The following ARHGAP12 variants were observed in gnomAD, a reference collection of about 807,000 sequenced individuals.
ARHGAP12 encodes the protein rho GTPase-activating protein 12.
ARHGAP12 carries 64 observed loss-of-function variants against 108.6 expected under a neutral mutation model. The observed-to-expected ratio is 0.59, with a 90% confidence interval of 0.48 to 0.73. ARHGAP12 has a LOEUF of 0.73. Among genes scored for constraint, ARHGAP12 ranks in the 30% least tolerant of loss-of-function variants. The probability of loss-of-function intolerance (pLI) is 0.00; values close to 1 mark genes in which losing one functional copy is unlikely to be tolerated. For missense variants in ARHGAP12, 940 were observed against 1,005.9 expected, an observed-to-expected ratio of 0.93 and a Z score of 0.89; for synonymous variants, 312 against 337.2, an observed-to-expected ratio of 0.93 and a Z score of 0.82.
At chr10:31,902,429 A>G (rs1838966735) in intron 3 of ARHGAP12, among the ~76,000 whole-genome samples, 2 of 152,074 alleles carry the variant, frequency 1.3e-5, no homozygotes, top group Non-Finnish European at 2.9e-5. Context: ...TAATCCCAAT[A>G]CACTGGGAGG....
intron 3 of ARHGAP12, among the ~76,000 whole-genome samples, chr10:31,900,572 C>CTA (rs1417406047): frequency 2.6e-5 from 4 of 152,286 alleles, no homozygotes; most frequent in African/African-American, 7.2e-5. Flanking sequence ...TAAATACACA[C>CTA]TCCTAAGTGA....
chr10:31,875,104 TTGTC>T (rs918975276), intron 3 of ARHGAP12, among the ~76,000 whole-genome samples: 1 of 152,102 alleles, frequency 6.6e-6, no homozygotes, highest in Non-Finnish European at 1.5e-5. Context: ...CTGGGTTTGT[TTGTC>T]TGCTTATCTG....
At chr10:31,861,274 C>G (rs1837101950) in intron 4 of ARHGAP12, 121 bp downstream of exon 4, 4 of 1,201,062 alleles carry the variant, frequency 3.3e-6, no homozygotes, top group Non-Finnish European at 3.5e-6. Context: ...TTTTAATGAT[C>G]TTAGAGATCA....
At chr10:31,901,862 T>C (rs1160728348) in intron 3 of ARHGAP12, among the ~76,000 whole-genome samples, 2 of 152,176 alleles carry the variant, frequency 1.3e-5, no homozygotes, top group Non-Finnish European at 2.9e-5. Context: ...CAAATCTGTT[T>C]CTTCTTCACA....
chr10:31,836,098 A>G (rs547222910), intron 9 of ARHGAP12, among the ~76,000 whole-genome samples: 1 of 152,348 alleles, frequency 6.6e-6, no homozygotes, highest in South Asian at 2.1e-4. Flanking sequence ...GCCTTAGAAT[A>G]GTAATATTCA....
At chr10:31,869,812 C>A (rs982765425) in intron 3 of ARHGAP12, among the ~76,000 whole-genome samples, 7 of 152,082 alleles carry the variant, frequency 4.6e-5, no homozygotes, top group Admixed American at 2.6e-4. Context: ...TGCATCGTTA[C>A]TTTTTTTAAT....
chr10:31,839,817 C>T, intron 7 of ARHGAP12, 106 bp from the exon 8 acceptor site: 4 of 853,364 alleles, frequency 4.7e-6, no homozygotes, highest in Non-Finnish European at 6.7e-6. Context: ...AAATTTTTTC[C>T]TCGTTATTTT....
In ARHGAP12 at chr10:31,820,525, TACTC is replaced by T. The variant is rs768576890; in HGVS notation, c.1531-41_1531-38del. ...AAAAAGAAAAAAAACCTTCATGTGA[TACTC>T]ACATATATGTGTATTCAAAAATAAT... On this transcript the variant is annotated intron_variant, in intron 11 of 19. Coordinates refer to ENST00000344936, the MANE Select transcript of ARHGAP12 (RefSeq NM_018287.7). 2.3e-6 allele frequency: 3 copies of T among 1,283,050 alleles called. No individual in the cohort carries two copies. The South Asian group carries it at 4.1e-5, about 18-fold the overall frequency. The allele number at this position is 1,283,050 out of a possible 1,614,324, so 79.5% of individuals were successfully genotyped here. A position where few individuals can be genotyped will look rare whatever the true frequency, so the allele number is the denominator to read the frequency against.
chr10:31,887,142 C>A (rs1838219207), intron 3 of ARHGAP12, among the ~76,000 whole-genome samples: 1 of 152,110 alleles, frequency 6.6e-6, no homozygotes, highest in African/African-American at 2.4e-5. Context: ...GGCAAATCTA[C>A]AATCTGCAGG....
chr10:31,850,722 G>T lies in ARHGAP12; in HGVS notation c.1170+1795C>A, dbSNP rs539283922. On this transcript the variant is annotated intron_variant, in intron 6 of 19. Coordinates refer to ENST00000344936, the MANE Select transcript of ARHGAP12 (RefSeq NM_018287.7). ...AATGAAATATTTGGAAAATAAAATG[G>T]TTATTTAACTTTTATAAAACTTAAC... 2.0e-5 allele frequency among the ~76,000 whole-genome samples: 3 copies of T among 152,040 alleles called. No individual in the cohort carries two copies. The South Asian group carries it at 6.2e-4, about 32-fold the overall frequency.
intron 6 of ARHGAP12, among the ~76,000 whole-genome samples, chr10:31,845,257 T>C (rs767539039): frequency 1.3e-5 from 2 of 152,220 alleles, no homozygotes; most frequent in Non-Finnish European, 2.9e-5. Flanking sequence ...TTTAAGTTTA[T>C]AGGTTCTCTT....
At chr10:31,848,255 T>C (rs985174407) in intron 6 of ARHGAP12, among the ~76,000 whole-genome samples, 19 of 152,196 alleles carry the variant, frequency 1.2e-4, no homozygotes, top group Non-Finnish European at 2.9e-5. Flanking sequence ...ATGGATCCAG[T>C]GGTGCCATCT....
At chr10:31,896,307 T>C (rs1240590849) in intron 3 of ARHGAP12, among the ~76,000 whole-genome samples, 2 of 141,180 alleles carry the variant, frequency 1.4e-5, no homozygotes, top group African/African-American at 2.9e-5. Flanking sequence ...TTTTTTACTT[T>C]GAAAAAAAAA....
At chr10:31,882,588 GCAA>G (rs1554785153) in intron 3 of ARHGAP12, among the ~76,000 whole-genome samples, 1 of 152,130 alleles carries the variant, frequency 6.6e-6, no homozygotes, top group East Asian at 1.9e-4. Context: ...GCTGAGGCAG[GCAA>G]ATCATGAGGT....
At chr10:31,824,151 T>C (rs977902377) in intron 11 of ARHGAP12, among the ~76,000 whole-genome samples, 2 of 152,154 alleles carry the variant, frequency 1.3e-5, no homozygotes, top group African/African-American at 4.8e-5. Context: ...CTTAAATATG[T>C]AGCAATGGGG....
intron 4 of ARHGAP12, among the ~76,000 whole-genome samples, chr10:31,858,379 G>A (rs1441705052): frequency 6.6e-6 from 1 of 152,122 alleles, no homozygotes; most frequent in Non-Finnish European, 1.5e-5. Flanking sequence ...ATGGCTTCAA[G>A]GAACAAGAAG....
intron 12 of ARHGAP12, among the ~76,000 whole-genome samples, chr10:31,819,366 GAGACTACAAAA>G (rs1195429334): frequency 6.6e-6 from 1 of 152,128 alleles, no homozygotes. Flanking sequence ...CCTGAGACAT[GAGACTACAAAA>G]AGAGGTTGGG....
chr10:31,817,730 A>T (rs574962279), intron 13 of ARHGAP12, 58 bp downstream of exon 13: 315 of 360,738 alleles, frequency 8.7e-4, no homozygotes, highest in Non-Finnish European at 1.2e-3. Context: ...ATAAGCAATT[A>T]AAAAAAAAAA....
intron 3 of ARHGAP12, among the ~76,000 whole-genome samples, chr10:31,881,302 T>C (rs1431920974): frequency 1.3e-5 from 2 of 151,998 alleles, no homozygotes; most frequent in Non-Finnish European, 2.9e-5. Flanking sequence ...AGTAACATTA[T>C]ACTCACAGGC....
Sources: gnomAD v4.1 joint callset for allele counts (sites outside exome capture counted in the v4.1 genomes callset) on GRCh38, gnomAD v4.1.1 for gene constraint, MANE v1.5 for transcripts, NCBI Gene and HGNC (gene_info 2026-07-23, HGNC 2026-07-21) for gene names.